TSHR: variants seen among roughly 807,000 people sequenced by gnomAD.
TSHR encodes thyroid stimulating hormone receptor.
Under a neutral mutation model 64.1 loss-of-function variants are expected in TSHR, and 51 were observed. That is an observed-to-expected ratio of 0.80 (90% confidence interval 0.64 to 1.01). TSHR has a LOEUF of 1.01. TSHR is among the 50% of genes least tolerant of loss of function. TSHR has a pLI of 0.00. For synonymous variants in TSHR, 361 were observed against 361.9 expected (o/e 1.00, Z 0.03); for missense variants, 877 against 942.8 (o/e 0.93, Z 0.91).
rs115444509 is a variant in TSHR at position 81,104,508 on chromosome 14, G to A, written c.615-3867G>A. 2.2e-3 allele frequency: 2,179 copies of A among 985,360 alleles called. 41 individuals are homozygous for A. The African/African-American group carries it at 0.033, about 15-fold the overall frequency. 61.0% of individuals were successfully genotyped at this position (985,360 alleles called of 1,614,324 possible). ...CACTCCTCTCTCTGGCATAGATCAC[G>A]TCTTTCTAAACCTGGTATAGAGGGT... On this transcript the variant is annotated intron_variant, in intron 7 of 9. Coordinates refer to ENST00000298171, the MANE Select transcript of TSHR (RefSeq NM_000369.5).
At chr14:81,026,414 C>T (rs1009088975) in intron 1 of TSHR, among the ~76,000 whole-genome samples, 1 of 152,018 alleles carries the variant, frequency 6.6e-6, no homozygotes, top group African/African-American at 2.4e-5. Context: ...GAGAAAAATC[C>T]CTTCATTATT....
intron 3 of TSHR, among the ~76,000 whole-genome samples, chr14:81,071,240 T>C (rs1887046404): frequency 6.6e-6 from 1 of 152,194 alleles, no homozygotes; most frequent in Admixed American, 6.5e-5. Context: ...ATTGTCAACA[T>C]TAGAAATACT....
At chr14:81,129,720 C>A (rs890283872) in intron 8 of TSHR, among the ~76,000 whole-genome samples, 5 of 152,176 alleles carry the variant, frequency 3.3e-5, no homozygotes, top group African/African-American at 1.2e-4. Context: ...CTCCTCATGT[C>A]CCACTACCAC....
intron 8 of TSHR, among the ~76,000 whole-genome samples, chr14:81,136,433 C>T (rs1301174818): frequency 1.3e-5 from 2 of 152,118 alleles, no homozygotes; most frequent in Admixed American, 1.3e-4. Context: ...CTCAAGGTTA[C>T]TAATTTGAGC....
chr14:81,001,365 AT>A (rs1889306755), intron 1 of TSHR: 9 of 343,218 alleles, frequency 2.6e-5, no homozygotes, highest in South Asian at 2.3e-4. Context: ...GATCATCTTG[AT>A]GTGGCAGGGA....
At chr14:81,036,233 G>A (rs1391064673) in intron 1 of TSHR, among the ~76,000 whole-genome samples, 1 of 152,188 alleles carries the variant, frequency 6.6e-6, no homozygotes, top group Admixed American at 6.5e-5. Context: ...CCAGCTCCAT[G>A]AAGCACAAAG....
At chr14:81,132,642 C>A (rs1302838873) in intron 8 of TSHR, among the ~76,000 whole-genome samples, 1 of 152,198 alleles carries the variant, frequency 6.6e-6, no homozygotes, top group Non-Finnish European at 1.5e-5. Context: ...CTCAGCTCAG[C>A]TGCATTCTGA....
chr14:81,079,169 C>T lies in TSHR; in HGVS notation c.318-8785C>T, dbSNP rs1223148804. The stretch of plus-strand genomic sequence containing the variant: ...ACTTCAGCGAGGATACTGTTTGGAC[C>T]GAAAAGTATGCATGTAATAAAGATT... On this transcript the variant is annotated intron_variant, in intron 3 of 9. Transcript: ENST00000298171. Among the ~76,000 whole-genome samples, 11 of 152,118 alleles carry T rather than the reference C, an allele frequency of 7.2e-5. No homozygotes were observed. In the South Asian group the frequency reaches 8.3e-4, roughly 12 times the overall value.
intron 8 of TSHR, among the ~76,000 whole-genome samples, chr14:81,136,843 G>A (rs1891476680): frequency 6.6e-6 from 1 of 152,168 alleles, no homozygotes; most frequent in Admixed American, 6.5e-5. Context: ...CATATACTCA[G>A]ACAAACTTTG....
chr14:81,073,022 ATATATATATAT>A (rs1318361702), intron 3 of TSHR, among the ~76,000 whole-genome samples: 9 of 20,216 alleles, frequency 4.5e-4, no homozygotes, highest in African/African-American at 1.1e-3. Flanking sequence ...TAAAAAATAA[ATATATATATAT>A]ATATATATAT....
At chr14:80,970,607 C>G (rs1887542525) in intron 1 of TSHR, among the ~76,000 whole-genome samples, 1 of 152,174 alleles carries the variant, frequency 6.6e-6, no homozygotes, top group African/African-American at 2.4e-5. Context: ...CTGGGCTGGG[C>G]TGTATGGCCC....
intron 1 of TSHR, among the ~76,000 whole-genome samples, chr14:80,980,990 A>T (rs570631836): frequency 5.9e-5 from 9 of 152,154 alleles, no homozygotes; most frequent in East Asian, 3.9e-4. Flanking sequence ...ATTAGTTTTT[A>T]AAAAAACTTA....
intron 1 of TSHR, among the ~76,000 whole-genome samples, chr14:80,964,020 A>G (rs1010285689): frequency 1.3e-4 from 20 of 152,202 alleles, no homozygotes. Context: ...GGCCCGTGGG[A>G]CATGCTCAGC....
At chr14:80,982,268 A>C in intron 1 of TSHR, 6 of 733,728 alleles carry the variant, frequency 8.2e-6, no homozygotes, top group Admixed American at 2.5e-5. Context: ...GAGGCTGGGA[A>C]TGAGTCCACC....
chr14:81,080,413 C>T (rs899863861), intron 3 of TSHR, among the ~76,000 whole-genome samples: 3 of 152,110 alleles, frequency 2.0e-5, no homozygotes, highest in Admixed American at 2.0e-4. Context: ...GCTTTAGCAC[C>T]AATCCTTAAA....
chr14:81,056,066 A>G (rs944964440), intron 1 of TSHR, among the ~76,000 whole-genome samples: 1 of 152,136 alleles, frequency 6.6e-6, no homozygotes, highest in Non-Finnish European at 1.5e-5. Context: ...TCATGGGAGC[A>G]GGTCTTTCCT....
intron 1 of TSHR, chr14:80,993,217 A>T (rs1888836267): frequency 6.6e-6 from 1 of 152,056 alleles, no homozygotes; most frequent in South Asian, 2.1e-4. Flanking sequence ...CAGTAAGAAG[A>T]ACTGTTCTAA....
chr14:80,985,464 G>A (rs915183120), intron 1 of TSHR, among the ~76,000 whole-genome samples: 1 of 152,190 alleles, frequency 6.6e-6, no homozygotes, highest in Admixed American at 6.5e-5. Context: ...ATCCAGAATT[G>A]CAGCTTCAAC....
intron 9 of TSHR, among the ~76,000 whole-genome samples, chr14:81,141,369 C>T (rs1891679138): frequency 6.6e-6 from 1 of 152,194 alleles, no homozygotes; most frequent in African/African-American, 2.4e-5. Context: ...TTAAGCAGAA[C>T]CCAAGAGATC....
Sources: allele counts gnomAD v4.1 joint callset (sites outside exome capture counted in the v4.1 genomes callset), GRCh38; gene constraint gnomAD v4.1.1; transcripts MANE v1.5; gene names NCBI Gene and HGNC (gene_info 2026-07-23, HGNC 2026-07-21).